Variants in LHFPL3 observed in about 807,000 individuals in gnomAD.
LHFPL3 encodes the protein LHFPL tetraspan subfamily member 3 protein.
A neutral mutation model predicts 19.3 loss-of-function variants in LHFPL3; 5 were observed. The ratio of observed to expected loss-of-function variants is 0.26; its 90% CI spans 0.14 to 0.54. LHFPL3 has a LOEUF of 0.54. Among genes scored for constraint, LHFPL3 ranks in the 20% least tolerant of loss-of-function variants. LHFPL3 has a pLI of 0.94. For synonymous variants in LHFPL3, 133 were observed against 126.2 expected, an observed-to-expected ratio of 1.05 and a Z score of -0.36; for missense variants, 249 against 307.4, an observed-to-expected ratio of 0.81 and a Z score of 1.42.
chr7:104,445,446 GGTT>G (rs1212203541), intron 1 of LHFPL3, among the ~76,000 whole-genome samples: 1 of 152,072 alleles, frequency 6.6e-6, no homozygotes, highest in East Asian at 1.9e-4. Context: ...TATTTTATAG[GGTT>G]GTTGTGAAAA....
chr7:104,840,301 G>C (rs573880290), intron 2 of LHFPL3, among the ~76,000 whole-genome samples: 2 of 112,198 alleles, frequency 1.8e-5, no homozygotes, highest in African/African-American at 6.6e-5. Context: ...CTTTTCTTGT[G>C]GGTTTTCTTT....
At chr7:104,559,834 TA>T in intron 1 of LHFPL3, among the ~76,000 whole-genome samples, 1 of 147,412 alleles carries the variant, frequency 6.8e-6, no homozygotes, top group Non-Finnish European at 1.5e-5. Flanking sequence ...AGATAGCTCT[TA>T]TTATTTTGAA....
At chr7:104,531,077 T>C (rs944173990) in intron 1 of LHFPL3, among the ~76,000 whole-genome samples, 1 of 152,228 alleles carries the variant, frequency 6.6e-6, no homozygotes, top group Non-Finnish European at 1.5e-5. Flanking sequence ...TTGCAAAGGC[T>C]AAGTCAGCAT....
intron 1 of LHFPL3, among the ~76,000 whole-genome samples, chr7:104,573,135 A>G (rs893216551): frequency 1.3e-5 from 2 of 152,216 alleles, no homozygotes; most frequent in East Asian, 1.9e-4. Flanking sequence ...AATATTGGCC[A>G]GGTGCAGTGG....
At chr7:104,584,846 G>A (rs1354237534) in intron 1 of LHFPL3, among the ~76,000 whole-genome samples, 4 of 152,164 alleles carry the variant, frequency 2.6e-5, no homozygotes, top group African/African-American at 7.2e-5. Context: ...ACAGAAGTCA[G>A]CATGGTAATT....
intron 1 of LHFPL3, among the ~76,000 whole-genome samples, chr7:104,494,642 T>G (rs530789865): frequency 1.3e-5 from 2 of 152,288 alleles, no homozygotes; most frequent in South Asian, 4.1e-4. Context: ...TATTCATCCA[T>G]TCAAGTCAAA....
chr7:104,595,034 C>T (rs948476581), intron 1 of LHFPL3, among the ~76,000 whole-genome samples: 2 of 152,226 alleles, frequency 1.3e-5, no homozygotes, highest in African/African-American at 4.8e-5. Flanking sequence ...CTGAAGCCTA[C>T]TTCTGTCAAC....
intron 1 of LHFPL3, among the ~76,000 whole-genome samples, chr7:104,457,970 T>G (rs1394105944): frequency 6.8e-6 from 1 of 146,938 alleles, no homozygotes; most frequent in Non-Finnish European, 1.5e-5. Flanking sequence ...TTGTTTGTTT[T>G]TTTCTTGTAA....
intron 2 of LHFPL3, among the ~76,000 whole-genome samples, chr7:104,784,180 G>A (rs1442312847): frequency 6.6e-6 from 1 of 152,144 alleles, no homozygotes; most frequent in Non-Finnish European, 1.5e-5. Flanking sequence ...ATGTAACCTT[G>A]TTGATTTACA....
intron 2 of LHFPL3, among the ~76,000 whole-genome samples, chr7:104,867,335 A>C (rs1340900370): frequency 1.3e-5 from 2 of 152,218 alleles, no homozygotes; most frequent in Non-Finnish European, 2.9e-5. Context: ...CGCTGGCAAG[A>C]CTAATAAAGA....
At chr7:104,665,846 A>G (rs1318851290) in intron 1 of LHFPL3, among the ~76,000 whole-genome samples, 5 of 152,204 alleles carry the variant, frequency 3.3e-5, no homozygotes, top group Non-Finnish European at 5.9e-5. Context: ...CTAACTAGCA[A>G]ACAAGACTCT....
intron 1 of LHFPL3, among the ~76,000 whole-genome samples, chr7:104,418,095 C>T (rs1791660701): frequency 1.3e-5 from 2 of 151,928 alleles, no homozygotes; most frequent in African/African-American, 2.4e-5. Context: ...AGGCTGGTCT[C>T]GAACTCCTGA....
At chr7:104,862,050 A>G (rs555227514) in intron 2 of LHFPL3, among the ~76,000 whole-genome samples, 2 of 152,276 alleles carry the variant, frequency 1.3e-5, no homozygotes, top group African/African-American at 4.8e-5. Flanking sequence ...GATGCTGCCG[A>G]GTATCTCTTA....
At chr7:104,789,557 T>C (rs577393707) in intron 2 of LHFPL3, among the ~76,000 whole-genome samples, 1 of 152,278 alleles carries the variant, frequency 6.6e-6, no homozygotes, top group East Asian at 1.9e-4. Flanking sequence ...TTACCCAGCC[T>C]ACTAGGAGTA....
At chr7:104,779,168 C>A (rs1365199211) in intron 2 of LHFPL3, among the ~76,000 whole-genome samples, 1 of 152,128 alleles carries the variant, frequency 6.6e-6, no homozygotes, top group Non-Finnish European at 1.5e-5. Context: ...GCCTTAGTTT[C>A]TTTATCTATT....
intron 1 of LHFPL3, among the ~76,000 whole-genome samples, chr7:104,450,938 T>C (rs1223506027): frequency 6.6e-6 from 1 of 152,168 alleles, no homozygotes; most frequent in East Asian, 1.9e-4. Flanking sequence ...CTTCACTAAA[T>C]CAACAAAGCA....
At chr7:104,689,859 C>T (rs1792876573) in intron 1 of LHFPL3, among the ~76,000 whole-genome samples, 1 of 152,154 alleles carries the variant, frequency 6.6e-6, no homozygotes, top group South Asian at 2.1e-4. Context: ...CGGACTCATT[C>T]TGTGATGATT....
intron 2 of LHFPL3, among the ~76,000 whole-genome samples, chr7:104,850,233 C>T (rs1032903405): frequency 1.3e-5 from 2 of 151,092 alleles, no homozygotes; most frequent in African/African-American, 4.9e-5. Flanking sequence ...ACCTGGGAGG[C>T]AGAGGTTGCG....
At chr7:104,440,895 C>T (rs1351603871) in intron 1 of LHFPL3, among the ~76,000 whole-genome samples, 2 of 151,940 alleles carry the variant, frequency 1.3e-5, no homozygotes, top group East Asian at 1.9e-4. Context: ...TACAAAAGAC[C>T]GTGCATATTT....
Sources: gnomAD v4.1 joint callset for allele counts (sites outside exome capture counted in the v4.1 genomes callset) on GRCh38, gnomAD v4.1.1 for gene constraint, MANE v1.5 for transcripts, NCBI Gene and HGNC (gene_info 2026-07-23, HGNC 2026-07-21) for gene names.